The following HSPA4L variants were observed in gnomAD, a reference collection of about 807,000 sequenced individuals.
The protein encoded by HSPA4L is heat shock protein family A (Hsp70) member 4 like, also known as heat shock 70 kDa protein 4L.
In HSPA4L, 48 loss-of-function variants were observed where a neutral mutation model predicts 100.3. The ratio of observed to expected loss-of-function variants is 0.48; its 90% confidence interval spans 0.38 to 0.61. HSPA4L has a LOEUF of 0.61. Ranked by LOEUF, HSPA4L falls within the 20% of genes least tolerant of loss-of-function variation. The pLI is 0.00. For missense variants in HSPA4L, 886 were observed against 988.6 expected, an observed-to-expected ratio of 0.90 and a Z score of 1.39; for synonymous variants, 319 against 328.2, an observed-to-expected ratio of 0.97 and a Z score of 0.30.
chr4:127,783,476 G>C, intron 1 of HSPA4L: 3 of 1,433,554 alleles, frequency 2.1e-6, no homozygotes, highest in Non-Finnish European at 2.7e-6. Flanking sequence ...AACGCTTAAT[G>C]AAAGGCTTAG....
chr4:127,783,672 T>C (rs1294058181), intron 1 of HSPA4L: 2 of 1,535,488 alleles, frequency 1.3e-6, no homozygotes, highest in Non-Finnish European at 1.7e-6. Flanking sequence ...TATTACTTTT[T>C]ATGGAAAGGT....
At chr4:127,792,847 G>T (rs1174416522) in intron 1 of HSPA4L, among the ~76,000 whole-genome samples, 1 of 152,178 alleles carries the variant, frequency 6.6e-6, no homozygotes, top group Non-Finnish European at 1.5e-5. Context: ...TTTGAGCAGA[G>T]ACCTGAAAGG....
At position 127,783,963 on chromosome 4, in the gene HSPA4L, C is replaced by T. The variant is rs111714980; in HGVS notation, c.107+1306C>T. Among the ~76,000 whole-genome samples, 970 of 152,310 alleles carry T rather than the reference C, an allele frequency of 6.4e-3. 5 individuals carry two copies. The highest frequency in any genetic ancestry group is 0.01 in the Non-Finnish European group (684 of 68,032). ...GTTTTGGACGTTTATATTTTCAATA[C>T]ATGGGCATAGATAAGGTAATCCTCA... On this transcript the variant is annotated intron_variant, in intron 1 of 18. Transcript: ENST00000296464.
At chr4:127,792,338 C>A (rs1732901278) in intron 1 of HSPA4L, among the ~76,000 whole-genome samples, 1 of 152,142 alleles carries the variant, frequency 6.6e-6, no homozygotes, top group South Asian at 2.1e-4. Flanking sequence ...AAATTATATT[C>A]TTCTAGTCCT....
intron 18 of HSPA4L, among the ~76,000 whole-genome samples, chr4:127,831,757 T>C (rs1734089484): frequency 6.6e-6 from 1 of 152,032 alleles, no homozygotes; most frequent in African/African-American, 2.4e-5. Flanking sequence ...TCTAGAAGGA[T>C]ATCCACCAAA....
intron 1 of HSPA4L, among the ~76,000 whole-genome samples, chr4:127,787,871 C>G (rs1010030894): frequency 6.6e-6 from 1 of 151,848 alleles, no homozygotes; most frequent in African/African-American, 2.4e-5. Flanking sequence ...TTTAATATAG[C>G]ACTGATAGTC....
chr4:127,817,954 C>T (rs147645937), intron 12 of HSPA4L, among the ~76,000 whole-genome samples: 2 of 152,054 alleles, frequency 1.3e-5, no homozygotes, highest in East Asian at 1.9e-4. Context: ...CCCATCAACC[C>T]GTCATCTACA....
At chr4:127,808,875 A>T (rs1733442345) in intron 11 of HSPA4L, among the ~76,000 whole-genome samples, 1 of 152,202 alleles carries the variant, frequency 6.6e-6, no homozygotes, top group African/African-American at 2.4e-5. Context: ...GTGAACTGAG[A>T]TTATGCCACT....
At chr4:127,816,613 G>C (rs1490086113) in intron 12 of HSPA4L, among the ~76,000 whole-genome samples, 1 of 152,146 alleles carries the variant, frequency 6.6e-6, no homozygotes, top group African/African-American at 2.4e-5. Context: ...TTGTGATAAA[G>C]ATACAGTCAT....
At chr4:127,829,326 G>A (rs1734023228) in intron 17 of HSPA4L, among the ~76,000 whole-genome samples, 1 of 152,020 alleles carries the variant, frequency 6.6e-6, no homozygotes, top group African/African-American at 2.4e-5. Context: ...CCTTGTAAAA[G>A]TTTGGGTTTT....
chr4:127,830,981 A>C (rs1379989556), intron 18 of HSPA4L, among the ~76,000 whole-genome samples, 182 bp downstream of exon 18: 1 of 152,164 alleles, frequency 6.6e-6, no homozygotes, highest in Non-Finnish European at 1.5e-5. Flanking sequence ...TTAATTTTTC[A>C]TATACCAGGC....
chr4:127,809,553 T>C, intron 11 of HSPA4L: 1 of 728,626 alleles, frequency 1.4e-6, no homozygotes, highest in Non-Finnish European at 2.5e-6. Flanking sequence ...CTAGATGAAC[T>C]GTGACTTTCA....
chr4:127,798,162 T>A (rs1733076352), intron 3 of HSPA4L, among the ~76,000 whole-genome samples: 1 of 152,186 alleles, frequency 6.6e-6, no homozygotes, highest in African/African-American at 2.4e-5. Flanking sequence ...GAAAGAATGA[T>A]GTTCTCATTT....
At chr4:127,788,721 A>G (rs190117975) in intron 1 of HSPA4L, among the ~76,000 whole-genome samples, 81 of 152,316 alleles carry the variant, frequency 5.3e-4, no homozygotes, top group African/African-American at 1.9e-3. Flanking sequence ...AGGAGGTACT[A>G]CTGGCATCTA....
chr4:127,827,539 G>T (rs1161532905), intron 17 of HSPA4L, 115 bp downstream of exon 17: 115 of 1,193,892 alleles, frequency 9.6e-5, no homozygotes, highest in Non-Finnish European at 1.3e-4. Flanking sequence ...TCAAATTCCA[G>T]AGACTTTGTG....
At chr4:127,809,637 GGAT>G (rs1009275382) in intron 11 of HSPA4L, among the ~76,000 whole-genome samples, 4 of 152,186 alleles carry the variant, frequency 2.6e-5, no homozygotes, top group Non-Finnish European at 4.4e-5. Flanking sequence ...AGGGTAATCA[GGAT>G]GATGAGAGCT....
At position 127,834,801 on chromosome 4, in the gene HSPA4L, A is replaced by G. The variant is rs1481313362; in HGVS notation, c.*1927A>G. The G allele has an allele frequency of 6.6e-6, 1 of 152,186 alleles. No homozygotes were observed. The highest frequency in any genetic ancestry group is 2.4e-5 in the African/African-American group (1 of 41,456). 9.4% of individuals were successfully genotyped at this position (152,186 alleles called of 1,614,324 possible). On this transcript the variant is annotated 3_prime_UTR_variant, in exon 19 of 19. Transcript: ENST00000296464. ...CCTCAGAAACTTCCTGGGAGTAAAT[A>G]TGGGAACAACTTTTCTATTAATACA... is the stretch of plus-strand genomic sequence containing the variant.
At chr4:127,805,855 T>G in intron 10 of HSPA4L, 62 bp downstream of exon 10, 5 of 1,084,128 alleles carry the variant, frequency 4.6e-6, no homozygotes, top group Non-Finnish European at 6.7e-6. Flanking sequence ...TTAAACCTAC[T>G]TTTCTAAATT....
At chr4:127,802,197 A>G (rs1408857905) in intron 6 of HSPA4L, among the ~76,000 whole-genome samples, 2 of 152,146 alleles carry the variant, frequency 1.3e-5, no homozygotes, top group African/African-American at 4.8e-5. Flanking sequence ...TGTTGTTTCT[A>G]TTGTTAGGTT....
Sources: gnomAD v4.1 joint callset for allele counts (sites outside exome capture counted in the v4.1 genomes callset) on GRCh38, gnomAD v4.1.1 for gene constraint, MANE v1.5 for transcripts, NCBI Gene and HGNC (gene_info 2026-07-23, HGNC 2026-07-21) for gene names.